CHST8: variants seen among roughly 807,000 people sequenced by gnomAD.
The protein encoded by CHST8 is GALNAC-4-ST1.
In CHST8, 10 loss-of-function variants were observed where a neutral mutation model predicts 15.0. That is an observed-to-expected ratio of 0.67 (90% confidence interval 0.41 to 1.13). CHST8 has a LOEUF of 1.13. Ranked by LOEUF, CHST8 falls within the 50% of genes most tolerant of loss-of-function variation. CHST8 has a pLI of 0.00. For synonymous variants in CHST8, 259 were observed against 256.6 expected (o/e 1.01, Z -0.09); for missense variants, 634 against 608.2 (o/e 1.04, Z -0.45).
chr19:33,752,419 T>C (rs1271729614), intron 3 of CHST8, among the ~76,000 whole-genome samples: 1 of 148,750 alleles, frequency 6.7e-6, no homozygotes, highest in Non-Finnish European at 1.5e-5. Flanking sequence ...CACATAAGAT[T>C]CCTTTATCTC....
At chr19:33,651,294 G>A (rs1462391398) in intron 1 of CHST8, among the ~76,000 whole-genome samples, 1 of 151,770 alleles carries the variant, frequency 6.6e-6, no homozygotes, top group Non-Finnish European at 1.5e-5. Flanking sequence ...ATAACAGTGG[G>A]CTTCTCTTGT....
At chr19:33,761,742 G>C (rs906092040) in intron 3 of CHST8, among the ~76,000 whole-genome samples, 5 of 152,116 alleles carry the variant, frequency 3.3e-5, no homozygotes, top group African/African-American at 1.2e-4. Context: ...GGAGGCTGAA[G>C]TGGGAGGATC....
At chr19:33,623,656 T>C (rs1264114501) in intron 1 of CHST8, among the ~76,000 whole-genome samples, 1 of 152,146 alleles carries the variant, frequency 6.6e-6, no homozygotes, top group Non-Finnish European at 1.5e-5. Flanking sequence ...TTTCCCTAAG[T>C]CCTGCCCTAG....
At chr19:33,692,862 C>T (rs1030842741) in intron 3 of CHST8, among the ~76,000 whole-genome samples, 4 of 152,226 alleles carry the variant, frequency 2.6e-5, no homozygotes, top group Middle Eastern at 3.4e-3. Context: ...GCCATGAACA[C>T]CACATACCGG....
chr19:33,749,869 A>C (rs1378895617), intron 3 of CHST8, among the ~76,000 whole-genome samples: 1 of 152,220 alleles, frequency 6.6e-6, no homozygotes, highest in Non-Finnish European at 1.5e-5. Flanking sequence ...CCAAGCACCC[A>C]GCTCATGAAA....
intron 1 of CHST8, among the ~76,000 whole-genome samples, chr19:33,644,784 G>A (rs1053968562): frequency 6.6e-6 from 1 of 152,112 alleles, no homozygotes; most frequent in Non-Finnish European, 1.5e-5. Context: ...TTAGAATGTG[G>A]CACTTGCTTT....
At chr19:33,651,792 G>A (rs1972452318) in intron 1 of CHST8, among the ~76,000 whole-genome samples, 1 of 152,060 alleles carries the variant, frequency 6.6e-6, no homozygotes, top group South Asian at 2.1e-4. Context: ...TAATTTTAGT[G>A]GAGAATTCCT....
chr19:33,757,937 T>G (rs1452395646), intron 3 of CHST8, among the ~76,000 whole-genome samples: 1 of 149,646 alleles, frequency 6.7e-6, no homozygotes, highest in Non-Finnish European at 1.5e-5. Context: ...CCCCAGCCCT[T>G]GGCTGGACCT....
chr19:33,714,354 A>T (rs1398155794), intron 3 of CHST8, among the ~76,000 whole-genome samples: 1 of 152,224 alleles, frequency 6.6e-6, no homozygotes, highest in Non-Finnish European at 1.5e-5. Flanking sequence ...TTTTGCTGCA[A>T]TGTGGATGGA....
chr19:33,740,083 G>A (rs981432882), intron 3 of CHST8, among the ~76,000 whole-genome samples: 2 of 152,192 alleles, frequency 1.3e-5, no homozygotes, highest in African/African-American at 4.8e-5. Context: ...TGTCCAGGAT[G>A]CCTGCAAGTT....
chr19:33,689,467 T>A, intron 3 of CHST8, 76 bp downstream of exon 3: 1 of 1,428,114 alleles, frequency 7.0e-7, no homozygotes, highest in South Asian at 1.5e-5. Context: ...ACAGCTGCCC[T>A]GGTGTGCTGG....
At chr19:33,668,528 A>G (rs996465146) in intron 2 of CHST8, among the ~76,000 whole-genome samples, 8 of 152,174 alleles carry the variant, frequency 5.3e-5, no homozygotes, top group Admixed American at 2.0e-4. Context: ...AGAAGTGGTC[A>G]TGAAGAGCAG....
At chr19:33,709,510 C>T (rs10401769) in intron 3 of CHST8, among the ~76,000 whole-genome samples, 59,591 of 151,992 alleles carry the variant, frequency 0.39, 13,064 homozygotes, top group African/African-American at 0.61. Flanking sequence ...TCTGTCAAAA[C>T]GGTGTATTAT....
chr19:33,700,979 C>T (rs772617203), intron 3 of CHST8, among the ~76,000 whole-genome samples: 3 of 152,150 alleles, frequency 2.0e-5, no homozygotes, highest in African/African-American at 4.8e-5. Flanking sequence ...GAACATGGAA[C>T]CTTCAGGTCT....
At chr19:33,633,238 T>C (rs1474165951) in intron 1 of CHST8, among the ~76,000 whole-genome samples, 2 of 152,232 alleles carry the variant, frequency 1.3e-5, no homozygotes, top group Non-Finnish European at 2.9e-5. Context: ...AGTTGTGTTA[T>C]TTGTTCCTTC....
At chr19:33,733,171 G>C (rs754711471) in intron 3 of CHST8, among the ~76,000 whole-genome samples, 1 of 151,598 alleles carries the variant, frequency 6.6e-6, no homozygotes, top group Non-Finnish European at 1.5e-5. Context: ...TATCACTGTG[G>C]AAATTCCAAG....
chr19:33,723,368 G>A (rs1447856708), intron 3 of CHST8, among the ~76,000 whole-genome samples: 2 of 152,210 alleles, frequency 1.3e-5, no homozygotes, highest in Non-Finnish European at 2.9e-5. Context: ...GTGTGCACGC[G>A]TGTGTCTACA....
At chr19:33,715,234 T>C (rs546488407) in intron 3 of CHST8, among the ~76,000 whole-genome samples, 269 of 152,320 alleles carry the variant, frequency 1.8e-3, no homozygotes, top group African/African-American at 6.1e-3. Flanking sequence ...CGTGTGTGAA[T>C]GCCAGAAGCT....
chr19:33,715,461 GA>G (rs1359321620), intron 3 of CHST8, among the ~76,000 whole-genome samples: 1 of 152,236 alleles, frequency 6.6e-6, no homozygotes, highest in Non-Finnish European at 1.5e-5. Context: ...GAGACAACTT[GA>G]TAGGATAGTA....
Sources: allele counts gnomAD v4.1 joint callset (sites outside exome capture counted in the v4.1 genomes callset), GRCh38; gene constraint gnomAD v4.1.1; transcripts MANE v1.5; gene names NCBI Gene and HGNC (gene_info 2026-07-23, HGNC 2026-07-21).